GNG7: variants seen among roughly 807,000 people sequenced by gnomAD.
The protein encoded by GNG7 is guanine nucleotide-binding protein G(I)/G(S)/G(O) subunit gamma-7.
A neutral mutation model predicts 4.0 loss-of-function variants in GNG7; 1 was observed. The observed-to-expected ratio is 0.25, with a 90% CI of 0.09 to 1.18. The LOEUF (loss-of-function observed/expected upper bound fraction) is 1.18, where lower values mean the gene tolerates loss of function less well. GNG7 is among the 50% of genes most tolerant of loss of function. The pLI is 0.50. For missense variants in GNG7, 86 were observed against 91.9 expected (o/e 0.94, Z 0.26); for synonymous variants, 34 against 36.9 (o/e 0.92, Z 0.29).
At chr19:2,674,931 C>A (rs1176696285) in intron 1 of GNG7, among the ~76,000 whole-genome samples, 1 of 152,136 alleles carries the variant, frequency 6.6e-6, no homozygotes. Flanking sequence ...GAAACGGACT[C>A]GGTTAGAAAA....
At chr19:2,632,073 C>T (rs1982173636) in intron 2 of GNG7, 1 of 152,252 alleles carries the variant, frequency 6.6e-6, no homozygotes, top group Admixed American at 6.5e-5. Flanking sequence ...GTGCTGCCCT[C>T]TCCCCCATTC....
At chr19:2,692,431 C>T (rs1321951004) in intron 1 of GNG7, among the ~76,000 whole-genome samples, 4 of 151,700 alleles carry the variant, frequency 2.6e-5, no homozygotes, top group East Asian at 1.9e-4. Flanking sequence ...GTCAGGAGAT[C>T]GAGACCATCC....
chr19:2,646,622 G>C (rs1336341240), intron 1 of GNG7, among the ~76,000 whole-genome samples: 1 of 151,796 alleles, frequency 6.6e-6, no homozygotes, highest in Non-Finnish European at 1.5e-5. Flanking sequence ...GAGGCAGAGG[G>C]TGCAGTGAGC....
chr19:2,667,790 C>T (rs1983347828), intron 1 of GNG7, among the ~76,000 whole-genome samples: 1 of 152,120 alleles, frequency 6.6e-6, no homozygotes, highest in Admixed American at 6.5e-5. Flanking sequence ...TGGTGGGTGC[C>T]TGTAGTCCCA....
Position 2,511,813 on chromosome 19 carries a change from G to T in GNG7, c.*3209C>A. 1 of 986,340 alleles carries T rather than the reference G, an allele frequency of 1.0e-6. No individual in the cohort carries two copies. The highest frequency in any genetic ancestry group is 1.2e-6 in the Non-Finnish European group (1 of 830,278). 61.1% of individuals were successfully genotyped at this position (986,340 alleles called of 1,614,324 possible). A position where few individuals can be genotyped will look rare whatever the true frequency, so the allele number is the denominator to read the frequency against. On this transcript the variant is annotated 3_prime_UTR_variant, in exon 5 of 5. Transcript: ENST00000382159. This position sits in a 1 kb window ranked among gnomAD's most constrained non-coding sequence, Gnocchi z 6.3. ...ATGTCCCCAGAGGCCAGAGGTCGCA[G>T]CTGAGCTATCTGTGCTTGGCCTGGG... is the stretch of plus-strand genomic sequence containing the variant.
chr19:2,661,670 TAAAAAAAA>T (rs57483197), intron 1 of GNG7, among the ~76,000 whole-genome samples: 2,264 of 108,634 alleles, frequency 0.021, 59 homozygotes, highest in African/African-American at 0.075. Context: ...GAGACTCCAT[TAAAAAAAA>T]AAAAAAAAAA....
rs114505953 is a variant in GNG7 at position 2,571,294 on chromosome 19, G to A, written c.-77-16106C>T. Reference sequence around the variant, plus strand: ...TGGAAGAAAATGTGGCGGCATTGTCGGAACCGAGAAGGTGCTACCTGCTGA... The same window carrying A: ...TGGAAGAAAATGTGGCGGCATTGTCAGAACCGAGAAGGTGCTACCTGCTGA... On this transcript the variant is annotated intron_variant, in intron 2 of 4. Transcript: ENST00000382159. Among the ~76,000 whole-genome samples, 654 of 152,218 alleles carry A rather than the reference G, an allele frequency of 4.3e-3. 4 individuals are homozygous for A. Among genetic ancestry groups the A allele is most frequent in the African/African-American group, 0.015 (613 of 41,530 alleles).
chr19:2,578,139 C>T (rs117761381), intron 2 of GNG7, among the ~76,000 whole-genome samples: 11 of 152,176 alleles, frequency 7.2e-5, no homozygotes, highest in South Asian at 4.1e-4. Context: ...CGCCCGGCTA[C>T]GTGCTTGTCT....
At chr19:2,663,453 G>A (rs185222382) in intron 1 of GNG7, among the ~76,000 whole-genome samples, 52 of 150,904 alleles carry the variant, frequency 3.4e-4, no homozygotes, top group Admixed American at 5.3e-4. Context: ...CCAGCACCTC[G>A]ACATTGGACT....
intron 1 of GNG7, among the ~76,000 whole-genome samples, chr19:2,700,230 C>T (rs1913367461): frequency 6.6e-6 from 1 of 151,772 alleles, no homozygotes; most frequent in South Asian, 2.1e-4. Context: ...CAACCTCCAC[C>T]TCCTGGGTTC....
chr19:2,693,626 C>T (rs1283755509), intron 1 of GNG7, among the ~76,000 whole-genome samples: 1 of 151,944 alleles, frequency 6.6e-6, no homozygotes, highest in Non-Finnish European at 1.5e-5. Flanking sequence ...CTCTGGGGTG[C>T]GGCCATCCTG....
At chr19:2,596,049 G>A (rs2965203) in intron 2 of GNG7, among the ~76,000 whole-genome samples, 108,925 of 144,932 alleles carry the variant, frequency 0.75, 40,976 homozygotes, top group Non-Finnish European at 0.82. Flanking sequence ...CCAAGGACCA[G>A]AAGAACTCAC....
At chr19:2,561,626 C>T (rs932382891) in intron 2 of GNG7, among the ~76,000 whole-genome samples, 1 of 151,904 alleles carries the variant, frequency 6.6e-6, no homozygotes, top group Non-Finnish European at 1.5e-5. Flanking sequence ...TCCTGTAATC[C>T]CAGCACTTTG....
chr19:2,666,491 T>C (rs979214323), intron 1 of GNG7, among the ~76,000 whole-genome samples: 1 of 152,114 alleles, frequency 6.6e-6, no homozygotes, highest in African/African-American at 2.4e-5. Flanking sequence ...TTTTTACTTT[T>C]CATAGAGATA....
intron 1 of GNG7, among the ~76,000 whole-genome samples, chr19:2,658,990 A>G (rs1331695828): frequency 1.3e-5 from 2 of 150,452 alleles, no homozygotes; most frequent in East Asian, 2.0e-4. Flanking sequence ...TTTTTTTTGA[A>G]ATGGAGTCTC....
intron 3 of GNG7, chr19:2,538,100 C>CAAAA: frequency 2.2e-6 from 1 of 455,066 alleles, no homozygotes; most frequent in Non-Finnish European, 4.4e-6. Context: ...CAAAACAAAA[C>CAAAA]AAAACAACAA....
At chr19:2,583,287 A>T (rs926533810) in intron 2 of GNG7, among the ~76,000 whole-genome samples, 3 of 152,146 alleles carry the variant, frequency 2.0e-5, no homozygotes, top group South Asian at 2.1e-4. Context: ...TTCTGAAAAA[A>T]TTTTTTAGCA....
chr19:2,640,642 T>G (rs1301454186), intron 2 of GNG7, among the ~76,000 whole-genome samples: 1 of 152,174 alleles, frequency 6.6e-6, no homozygotes, highest in African/African-American at 2.4e-5. Context: ...GTTGCTTTTT[T>G]TGGAGACAGG....
At chr19:2,534,401 G>A (rs1199958827) in intron 3 of GNG7, among the ~76,000 whole-genome samples, 1 of 152,218 alleles carries the variant, frequency 6.6e-6, no homozygotes, top group Non-Finnish European at 1.5e-5. Flanking sequence ...ACCACCAGCA[G>A]CTTCCAATTC....
Sources: allele counts gnomAD v4.1 joint callset (sites outside exome capture counted in the v4.1 genomes callset), GRCh38; gene constraint gnomAD v4.1.1; non-coding constraint Gnocchi (gnomAD v3.1); transcripts MANE v1.5; gene names NCBI Gene and HGNC (gene_info 2026-07-23, HGNC 2026-07-21).